CFAP221: variants seen among roughly 807,000 people sequenced by gnomAD.
CFAP221 encodes the protein cilia- and flagella-associated protein 221.
Under a neutral mutation model 113.1 loss-of-function variants are expected in CFAP221, and 97 were observed. The observed-to-expected ratio is 0.86, with a 90% CI of 0.73 to 1.02. CFAP221 has a LOEUF of 1.02. Among genes scored for constraint, CFAP221 ranks in the 50% least tolerant of loss-of-function variants. CFAP221 has a pLI of 0.00. For missense variants in CFAP221, 1,025 were observed against 1,013.4 expected (o/e 1.01, Z -0.16); for synonymous variants, 331 against 354.4 (o/e 0.93, Z 0.74).
At chr2:119,633,750 A>G (rs1686939577) in intron 19 of CFAP221, among the ~76,000 whole-genome samples, 1 of 152,194 alleles carries the variant, frequency 6.6e-6, no homozygotes, top group South Asian at 2.1e-4. Context: ...TCCTCAGAAA[A>G]AAAATGAAAG....
intron 13 of CFAP221, among the ~76,000 whole-genome samples, chr2:119,614,351 C>G (rs1685385223): frequency 6.6e-6 from 1 of 152,188 alleles, no homozygotes; most frequent in African/African-American, 2.4e-5. Context: ...GCACCCCACT[C>G]CTGGTACCAA....
At position 119,631,030 on chromosome 2, in the gene CFAP221, C is replaced by T. The variant is rs995779886; in HGVS notation, c.1974+129C>T. ...TTTCAAGTGTTAAACAATATCTGAC[C>T]TTTAATATTGTTTGCCAACCTTTAT... On this transcript the variant is annotated intron_variant, in intron 19 of 23. Transcript: ENST00000413369. 3.5e-6 allele frequency: 5 copies of T among 1,426,192 alleles called. No individual in the cohort carries two copies. In the African/African-American group the frequency reaches 5.7e-5, roughly 16 times the overall value. The allele number at this position is 1,426,192 out of a possible 1,614,324, so 88.3% of individuals were successfully genotyped here.
intron 12 of CFAP221, among the ~76,000 whole-genome samples, chr2:119,611,311 T>TACTTGGGA (rs1044315508): frequency 1.3e-5 from 2 of 151,368 alleles, no homozygotes; most frequent in African/African-American, 4.9e-5. Flanking sequence ...AGAAGGTATC[T>TACTTGGGA]ACTTGGGAGG....
intron 22 of CFAP221, among the ~76,000 whole-genome samples, chr2:119,650,015 T>C (rs150203642): frequency 3.4e-4 from 52 of 152,340 alleles, no homozygotes; most frequent in East Asian, 7.7e-4. Context: ...CAAGCACTGA[T>C]AGCAAATTAT....
Position 119,571,392 on chromosome 2 carries a change from C to T in CFAP221, c.527+9278C>T, listed in dbSNP as rs370178573. Among the ~76,000 whole-genome samples the T allele has an allele frequency of 1.9e-3, 290 of 151,786 alleles. 1 individual carries two copies. The highest frequency in any genetic ancestry group is 6.5e-3 in the African/African-American group (270 of 41,440). ...TGACCTCAGGTGATCCACCCACCTCCGCCTCCCAGAGTGCTGGCATTACAG... is the reference window on the plus strand; with the variant it reads ...TGACCTCAGGTGATCCACCCACCTCTGCCTCCCAGAGTGCTGGCATTACAG... On this transcript the variant is annotated intron_variant, in intron 6 of 23. Transcript: ENST00000413369.
intron 13 of CFAP221, among the ~76,000 whole-genome samples, chr2:119,614,549 G>A (rs1434313582): frequency 6.6e-6 from 1 of 152,170 alleles, no homozygotes; most frequent in East Asian, 1.9e-4. Context: ...AGAAGAATGA[G>A]AACCAAGTGA....
chr2:119,567,323 A>G (rs1317268274), intron 6 of CFAP221, among the ~76,000 whole-genome samples: 1 of 152,056 alleles, frequency 6.6e-6, no homozygotes, highest in Non-Finnish European at 1.5e-5. Context: ...TATTTTTTTT[A>G]CTGTCACCAT....
At chr2:119,606,605 A>C (rs1478752600) in intron 11 of CFAP221, among the ~76,000 whole-genome samples, 1 of 152,196 alleles carries the variant, frequency 6.6e-6, no homozygotes, top group East Asian at 1.9e-4. Context: ...GTAGGTCATC[A>C]TTGTAGGAAA....
chr2:119,629,184 T>C (rs1484426028), intron 16 of CFAP221, among the ~76,000 whole-genome samples: 1 of 152,186 alleles, frequency 6.6e-6, no homozygotes, highest in African/African-American at 2.4e-5. Flanking sequence ...GTGTATTAGA[T>C]TAGGGGTTGT....
intron 5 of CFAP221, among the ~76,000 whole-genome samples, chr2:119,561,603 G>A (rs1681248758): frequency 6.7e-6 from 1 of 150,360 alleles, no homozygotes; most frequent in Admixed American, 6.7e-5. Context: ...GAGACAAGAA[G>A]CAAGTTTCTG....
At chr2:119,552,365 A>G (rs12469103) in intron 3 of CFAP221, among the ~76,000 whole-genome samples, 43,423 of 108,476 alleles carry the variant, frequency 0.4, 8,933 homozygotes, top group East Asian at 0.62. Context: ...AAATAGAAAT[A>G]TTTCTTTCTT....
chr2:119,627,651 A>G lies in CFAP221; in HGVS notation c.1517-2A>G. 2.5e-6 allele frequency: 4 copies of G among 1,613,072 alleles called. No homozygotes were observed. Among genetic ancestry groups the G allele is most frequent in the Non-Finnish European group, 2.5e-6 (3 of 1,179,594 alleles). ...TAAAAGTGCCCTTTTTTTCACCCAT[A>G]GAGGCGAATTTCTTCAAATTCTTCC... On this transcript the variant is annotated splice_acceptor_variant, in intron 15 of 23. Transcript: ENST00000413369. LOFTEE classifies it high-confidence loss of function.
rs1465810571 is a variant in CFAP221 at position 119,544,473 on chromosome 2, T to TGGCGCC, written c.-81_-76dup. On this transcript the variant is annotated 5_prime_UTR_variant, in exon 1 of 24. Coordinates refer to ENST00000413369, the MANE Select transcript of CFAP221 (RefSeq NM_001271049.2). ...CGACGCTCCGAGCGGGCGCCGGCGC[T>TGGCGCC]GGCGCCGGCCGAATCCGGCCCGGGA... 5 of 151,626 alleles carry TGGCGCC rather than the reference T, an allele frequency of 3.3e-5. No individual in the cohort carries two copies. The highest frequency in any genetic ancestry group is 4.1e-4 in the South Asian group (2 of 4,826). 9.4% of individuals were successfully genotyped at this position (151,626 alleles called of 1,614,324 possible).
chr2:119,558,411 CT>C (rs1573994022), intron 3 of CFAP221, among the ~76,000 whole-genome samples: 2 of 152,192 alleles, frequency 1.3e-5, no homozygotes, highest in South Asian at 2.1e-4. Context: ...GCCTGGGAAA[CT>C]TTTTGTTTGG....
chr2:119,576,182 A>G (rs1183059121), intron 6 of CFAP221, among the ~76,000 whole-genome samples: 4 of 151,938 alleles, frequency 2.6e-5, no homozygotes, highest in Non-Finnish European at 5.9e-5. Context: ...GGGAATTTTA[A>G]CTTCATTTCT....
intron 6 of CFAP221, among the ~76,000 whole-genome samples, chr2:119,575,833 T>TA (rs1192625878): frequency 1.3e-5 from 2 of 152,230 alleles, no homozygotes; most frequent in Non-Finnish European, 2.9e-5. Context: ...AGATGACAGA[T>TA]ATCATGTCAT....
rs542922147 is a variant in CFAP221 at position 119,589,016 on chromosome 2, A to G, written c.631+1794A>G. Among the ~76,000 whole-genome samples the G allele has an allele frequency of 2.6e-5, 4 of 152,114 alleles. No individual in the cohort carries two copies. The East Asian group carries it at 7.8e-4, about 29-fold the overall frequency. On this transcript the variant is annotated intron_variant, in intron 7 of 23. Transcript: ENST00000413369. ...AGTGCAGAAGAGGAGAATGAAGGAG[A>G]GAGGGAAGCCCTGCAAGCCAGGGCT...
chr2:119,641,677 GC>G (rs1253859286), intron 21 of CFAP221, among the ~76,000 whole-genome samples: 1 of 152,220 alleles, frequency 6.6e-6, no homozygotes, highest in Non-Finnish European at 1.5e-5. Context: ...CATGCCTGGT[GC>G]ATGCTTAGTA....
At chr2:119,583,395 CT>C (rs375405686) in intron 6 of CFAP221, among the ~76,000 whole-genome samples, 9 of 123,318 alleles carry the variant, frequency 7.3e-5, no homozygotes, top group Admixed American at 1.7e-4. Context: ...GAAATAGTCT[CT>C]TTTTTTTTTT....
Sources: gnomAD v4.1 joint callset for allele counts (sites outside exome capture counted in the v4.1 genomes callset) on GRCh38, gnomAD v4.1.1 for gene constraint, MANE v1.5 for transcripts, NCBI Gene and HGNC (gene_info 2026-07-23, HGNC 2026-07-21) for gene names.